MAP3K4: variants seen among roughly 807,000 people sequenced by gnomAD.
The protein encoded by MAP3K4 is mitogen-activated protein kinase kinase kinase 4, also known as MAP three kinase 1.
Under a neutral mutation model 185.6 loss-of-function variants are expected in MAP3K4, and 67 were observed. That is an observed-to-expected ratio of 0.36 (90% CI 0.30 to 0.44). The LOEUF (loss-of-function observed/expected upper bound fraction) is 0.44, where lower values mean the gene tolerates loss of function less well. Ranked by LOEUF, MAP3K4 falls within the 20% of genes least tolerant of loss-of-function variation. MAP3K4 has a pLI of 1.00. For synonymous variants in MAP3K4, 702 were observed against 710.4 expected (o/e 0.99, Z 0.19); for missense variants, 1,551 against 1,995.1 (o/e 0.78, Z 4.24).
At chr6:161,010,665 A>G (rs966302319) in intron 1 of MAP3K4, among the ~76,000 whole-genome samples, 10 of 152,190 alleles carry the variant, frequency 6.6e-5, no homozygotes, top group African/African-American at 2.4e-4. Flanking sequence ...TCACTTTGCT[A>G]TATTTACTAT....
chr6:161,099,962 G>T (rs1258099108), intron 17 of MAP3K4, among the ~76,000 whole-genome samples: 1 of 152,196 alleles, frequency 6.6e-6, no homozygotes, highest in Non-Finnish European at 1.5e-5. Context: ...TACATACTTA[G>T]ACAATCGTTG....
At chr6:161,078,850 G>A (rs4324757) in intron 5 of MAP3K4, among the ~76,000 whole-genome samples, 92,768 of 152,134 alleles carry the variant, frequency 0.61, 29,586 homozygotes, top group Admixed American at 0.72. Flanking sequence ...GGCTGATGAC[G>A]TAAATCTTAA....
chr6:161,102,440 T>G (rs954132428), intron 18 of MAP3K4, among the ~76,000 whole-genome samples: 4 of 152,166 alleles, frequency 2.6e-5, no homozygotes, highest in African/African-American at 9.7e-5. Flanking sequence ...GAATCCACTT[T>G]TTGCACAGTA....
At chr6:161,002,822 A>G (rs984074659) in intron 1 of MAP3K4, among the ~76,000 whole-genome samples, 1 of 151,836 alleles carries the variant, frequency 6.6e-6, no homozygotes, top group Non-Finnish European at 1.5e-5. Flanking sequence ...CGATCTTCTG[A>G]CCTTGTGATC....
chr6:161,068,647 A>G (rs530794806), intron 3 of MAP3K4, among the ~76,000 whole-genome samples: 3 of 152,222 alleles, frequency 2.0e-5, no homozygotes, highest in Non-Finnish European at 4.4e-5. Flanking sequence ...GTAATCAGAA[A>G]AGCAGTTGAA....
intron 1 of MAP3K4, among the ~76,000 whole-genome samples, chr6:161,020,533 C>T (rs891714322): frequency 6.6e-6 from 1 of 151,824 alleles, no homozygotes; most frequent in Non-Finnish European, 1.5e-5. Flanking sequence ...TAGTGCGCGC[C>T]TGTAGTCCCA....
chr6:161,009,182 A>G (rs1485475120), intron 1 of MAP3K4, among the ~76,000 whole-genome samples: 2 of 152,004 alleles, frequency 1.3e-5, no homozygotes, highest in African/African-American at 4.8e-5. Flanking sequence ...ACGGGGTTTC[A>G]CACCTGTTGG....
At chr6:161,003,836 T>A (rs1234802313) in intron 1 of MAP3K4, among the ~76,000 whole-genome samples, 2 of 152,036 alleles carry the variant, frequency 1.3e-5, no homozygotes, top group East Asian at 1.9e-4. Context: ...CATTCCAAAA[T>A]TTTTTTAAAC....
intron 1 of MAP3K4, among the ~76,000 whole-genome samples, chr6:160,995,883 A>G (rs553815253): frequency 4.3e-4 from 65 of 152,346 alleles, no homozygotes; most frequent in African/African-American, 1.4e-3. Context: ...CATTTAAAAT[A>G]TTTATATTAA....
At position 161,097,742 on chromosome 6, in the gene MAP3K4, T is replaced by C. The variant is rs1777633630; in HGVS notation, c.3525-536T>C. ...TAATCAGTTTTTAAAAGTTTAATTT[T>C]ATTTGACAATATTTGCTAGATAAGG... On this transcript the variant is annotated intron_variant, in intron 16 of 26. Transcript: ENST00000392142. The surrounding 1 kb of genome is among the most constrained non-coding windows in gnomAD (Gnocchi z 4.9). 6.6e-6 allele frequency among the ~76,000 whole-genome samples: 1 copy of C among 151,744 alleles called. No homozygotes were observed. Among genetic ancestry groups the C allele is most frequent in the Admixed American group, 6.6e-5 (1 of 15,188 alleles).
Position 161,100,793 on chromosome 6 carries a change from G to A in MAP3K4, c.3675-1099G>A, listed in dbSNP as rs1777808250. On this transcript the variant is annotated intron_variant, in intron 17 of 26. Transcript: ENST00000392142. The surrounding 1 kb of genome is among the most constrained non-coding windows in gnomAD (Gnocchi z 5.8). ...CTTGGTCTCACCAGTGGTCTTTGTT[G>A]CTGCTTAGGAGTGGAGTAGGCTTCC... Among the ~76,000 whole-genome samples, 1 of 152,150 alleles carries A rather than the reference G, an allele frequency of 6.6e-6. No homozygotes were observed. Among genetic ancestry groups the A allele is most frequent in the South Asian group, 2.1e-4 (1 of 4,826 alleles).
chr6:161,009,911 G>A (rs903584744), intron 1 of MAP3K4, among the ~76,000 whole-genome samples: 9 of 152,156 alleles, frequency 5.9e-5, no homozygotes, highest in African/African-American at 2.2e-4. Flanking sequence ...GCTAATGCAT[G>A]CTGGGCTTAA....
At position 161,089,491 on chromosome 6, in the gene MAP3K4, A is replaced by C; in HGVS notation, c.2973+20A>C. 3 of 1,609,172 alleles carry C rather than the reference A, an allele frequency of 1.9e-6. No homozygotes were observed. Among genetic ancestry groups the C allele is most frequent in the South Asian group, 1.1e-5 (1 of 90,156 alleles). ...CTGAAGGTATTACACTGTCCTCTACATTAGCTGAGATTTTTCCTTTTTGAT... is the reference window on the plus strand; with the variant it reads ...CTGAAGGTATTACACTGTCCTCTACCTTAGCTGAGATTTTTCCTTTTTGAT... On this transcript the variant is annotated intron_variant, in intron 11 of 26. Coordinates refer to ENST00000392142, the MANE Select transcript of MAP3K4 (RefSeq NM_005922.4).
rs1785413221 is a variant in MAP3K4, at chr6:161,080,768, G to T, written c.2098-113G>T. ...GCTTCTGTCGGTGCTGCGTGCCTGTGACAGCCCCCGGCCCGCCCCCACTTT... is the reference window on the plus strand; with the variant it reads ...GCTTCTGTCGGTGCTGCGTGCCTGTTACAGCCCCCGGCCCGCCCCCACTTT... On this transcript the variant is annotated intron_variant, in intron 5 of 26. Coordinates refer to ENST00000392142, the MANE Select transcript of MAP3K4 (RefSeq NM_005922.4). The surrounding 1 kb of genome is among the most constrained non-coding windows in gnomAD (Gnocchi z 4.8). 4.6e-6 allele frequency: 4 copies of T among 860,570 alleles called. No homozygotes were observed. Among genetic ancestry groups the T allele is most frequent in the Non-Finnish European group, 7.4e-6 (4 of 536,964 alleles). 53.3% of individuals were successfully genotyped at this position (860,570 alleles called of 1,614,324 possible).
intron 23 of MAP3K4, among the ~76,000 whole-genome samples, chr6:161,111,152 A>C (rs1014791160): frequency 6.6e-6 from 1 of 152,190 alleles, no homozygotes; most frequent in Admixed American, 6.5e-5. Flanking sequence ...AGCTCATCAG[A>C]TGGCTGCTTG....
intron 1 of MAP3K4, among the ~76,000 whole-genome samples, chr6:161,011,389 T>C (rs531007386): frequency 2.3e-4 from 35 of 152,272 alleles, no homozygotes; most frequent in African/African-American, 8.4e-4. Context: ...GCGGAGACAG[T>C]AGATTTTAGG....
rs569609736 is a variant in MAP3K4, at chr6:160,992,012, A to ACCGCCGCCGCCG, written c.84_95dup (p.Pro33_Pro36dup). On this transcript the variant is annotated inframe_insertion, in exon 1 of 27. Transcript: ENST00000392142. Reference sequence around the variant, plus strand: ...CCGCCGCCATGGAGGAGCCGCCGCCACCGCCGCCGCCGCCACCACCGCCAC... The same window carrying ACCGCCGCCGCCG: ...CCGCCGCCATGGAGGAGCCGCCGCCACCGCCGCCGCCGCCGCCGCCGCCGCCACCACCGCCAC... The ACCGCCGCCGCCG allele has an allele frequency of 6.5e-7, 1 of 1,539,728 alleles. No homozygotes were observed. The highest frequency in any genetic ancestry group is 1.2e-5 in the South Asian group (1 of 84,234).
At chr6:161,031,390 A>G (rs1046791503) in intron 1 of MAP3K4, among the ~76,000 whole-genome samples, 1 of 152,256 alleles carries the variant, frequency 6.6e-6, no homozygotes, top group Non-Finnish European at 1.5e-5. Context: ...TAAAGTCTTC[A>G]TAAAAGTTAG....
chr6:161,075,127 G>A lies in MAP3K4; in HGVS notation c.2097+1515G>A, dbSNP rs141184218. Among the ~76,000 whole-genome samples, 8 of 152,304 alleles carry A rather than the reference G, an allele frequency of 5.3e-5. No individual in the cohort carries two copies. The highest frequency in any genetic ancestry group is 1.0e-4 in the Non-Finnish European group (7 of 68,024). Reference sequence around the variant, plus strand: ...TTCTCTATATAAAAGACCTGAGTGTGTAAAATGGCTGTATTTTGAAATACT... The same window carrying A: ...TTCTCTATATAAAAGACCTGAGTGTATAAAATGGCTGTATTTTGAAATACT... On this transcript the variant is annotated intron_variant, in intron 5 of 26. Coordinates refer to ENST00000392142, the MANE Select transcript of MAP3K4 (RefSeq NM_005922.4). The surrounding 1 kb of genome is among the most constrained non-coding windows in gnomAD (Gnocchi z 4.3).
Sources: allele counts gnomAD v4.1 joint callset (sites outside exome capture counted in the v4.1 genomes callset), GRCh38; gene constraint gnomAD v4.1.1; non-coding constraint Gnocchi (gnomAD v3.1); transcripts MANE v1.5; gene names NCBI Gene and HGNC (gene_info 2026-07-23, HGNC 2026-07-21).